WNT9B: variants seen among roughly 807,000 people sequenced by gnomAD.
WNT9B encodes the protein protein Wnt-9b.
WNT9B carries 12 observed loss-of-function variants against 30.2 expected under a neutral mutation model. That is an observed-to-expected ratio of 0.40 (90% CI 0.26 to 0.64). The LOEUF is 0.64. WNT9B is among the 30% of genes least tolerant of loss of function. The probability of loss-of-function intolerance (pLI) is 0.42; values close to 1 mark genes in which losing one functional copy is unlikely to be tolerated. For synonymous variants in WNT9B, 218 were observed against 216.9 expected (o/e 1.01, Z -0.05); for missense variants, 442 against 485.2 (o/e 0.91, Z 0.84).
At chr17:46,846,080 C>T (rs187521000) in intron 1 of WNT9B, among the ~76,000 whole-genome samples, 62 of 152,252 alleles carry the variant, frequency 4.1e-4, no homozygotes, top group East Asian at 7.7e-4. Flanking sequence ...TGTGAACCAC[C>T]GTGCCCGGCC....
chr17:46,884,423 G>A (rs369782068), downstream of WNT9B, among the ~76,000 whole-genome samples: 13 of 152,312 alleles, frequency 8.5e-5, no homozygotes, highest in East Asian at 2.5e-3. Flanking sequence ...GGGGCGTGAG[G>A]GGGCACACAG....
At chr17:46,869,487 A>C (rs1252220419) in intron 1 of WNT9B, among the ~76,000 whole-genome samples, 2 of 152,224 alleles carry the variant, frequency 1.3e-5, no homozygotes, top group African/African-American at 4.8e-5. Context: ...CACCCACTCC[A>C]TGCCAGAAGC....
At chr17:46,844,465 C>T (rs2084751176) in intron 1 of WNT9B, among the ~76,000 whole-genome samples, 1 of 152,148 alleles carries the variant, frequency 6.6e-6, no homozygotes, top group Admixed American at 6.6e-5. Flanking sequence ...CAACTGTCTA[C>T]CAGTCAGGAC....
At chr17:46,884,069 C>T (rs1344168569), downstream of WNT9B, among the ~76,000 whole-genome samples, 2 of 152,094 alleles carry the variant, frequency 1.3e-5, no homozygotes, top group Non-Finnish European at 2.9e-5. Flanking sequence ...GAGAACCTGA[C>T]CCAGCGTCCG....
At chr17:46,872,352 T>G (rs1025450392) in intron 1 of WNT9B, among the ~76,000 whole-genome samples, 165 bp from the exon 2 acceptor site, 7 of 152,232 alleles carry the variant, frequency 4.6e-5, no homozygotes, top group Non-Finnish European at 4.4e-5. Flanking sequence ...CTTTGTTACA[T>G]GAACCTTGGT....
intron 1 of WNT9B, 59 bp from the exon 2 acceptor site, chr17:46,872,458 A>G: frequency 7.0e-7 from 1 of 1,433,996 alleles, no homozygotes; most frequent in Non-Finnish European, 9.2e-7. Context: ...CCTTCCCTTC[A>G]TTTGCCCCTC....
chr17:46,856,073 T>C (rs1307151295), intron 1 of WNT9B, among the ~76,000 whole-genome samples: 1 of 152,218 alleles, frequency 6.6e-6, no homozygotes, highest in Non-Finnish European at 1.5e-5. Context: ...ATAATTAACT[T>C]TGGTGATGTT....
At chr17:46,846,711 G>C (rs2084779458), upstream of WNT9B, among the ~76,000 whole-genome samples, 2 of 152,324 alleles carry the variant, frequency 1.3e-5, no homozygotes, top group South Asian at 4.1e-4. Context: ...GAATGGCCTT[G>C]AATAGGCAAG....
intron 1 of WNT9B, among the ~76,000 whole-genome samples, chr17:46,853,463 A>G (rs1307808728): frequency 7.0e-6 from 1 of 142,250 alleles, no homozygotes; most frequent in African/African-American, 2.7e-5. Flanking sequence ...CCTCCATCTC[A>G]TGGGTTCAAG....
chr17:46,875,259 A>G lies in WNT9B; in HGVS notation c.493A>G (p.Asn165Asp). ...QAWQWGVCGD[N>D]LKYSTKFLSN... ...CTGGCAGTGGGGCGTGTGCGGTGACAACCTCAAGTACAGCACCAAGTTTCT... is the reference window on the plus strand; with the variant it reads ...CTGGCAGTGGGGCGTGTGCGGTGACGACCTCAAGTACAGCACCAAGTTTCT... The change falls in exon 3 of 4, where the codon AAC becomes GAC. Residue 165 changes from asparagine (N) to aspartate (D), a missense_variant. Asn to Asp is a conservative substitution (Grantham distance 23). Coordinates refer to ENST00000290015, the MANE Select transcript of WNT9B (RefSeq NM_003396.3). The G allele has an allele frequency of 6.2e-7, 1 of 1,614,156 alleles. No homozygotes were observed. The highest frequency in any genetic ancestry group is 8.5e-7 in the Non-Finnish European group (1 of 1,180,012).
chr17:46,874,901 C>G, intron 2 of WNT9B, 200 bp from the exon 3 acceptor site: 1 of 798,174 alleles, frequency 1.3e-6, no homozygotes, highest in Non-Finnish European at 2.1e-6. Context: ...TAAATGGCAA[C>G]TTGCAGTCAG....
intron 1 of WNT9B, among the ~76,000 whole-genome samples, chr17:46,867,796 G>A (rs2085164914): frequency 6.6e-6 from 1 of 152,102 alleles, no homozygotes; most frequent in Admixed American, 6.5e-5. Flanking sequence ...AAGCCCTGAG[G>A]GGCACCCTTG....
Position 46,833,244 on chromosome 17 carries a change from C to G in WNT9B, c.-102C>G, listed in dbSNP as rs2084578657. 10 of 435,132 alleles carry G rather than the reference C, an allele frequency of 2.3e-5. 1 individual carries two copies. Among genetic ancestry groups the G allele is most frequent in the South Asian group, 1.0e-4 (6 of 58,992 alleles). The allele number at this position is 435,132 out of a possible 1,614,324, so 27.0% of individuals were successfully genotyped here. A position where few individuals can be genotyped will look rare whatever the true frequency, so the allele number is the denominator to read the frequency against. ...ATGTGCGTGGAAGCTGGGCCTGAGC[C>G]CTGACGCTTCAGCTGAGCTCCCTGG... On this transcript the variant is annotated 5_prime_UTR_variant, in exon 1 of 3. Transcript: ENST00000575372.
downstream of WNT9B, among the ~76,000 whole-genome samples, chr17:46,884,434 G>T (rs1383732183): frequency 1.3e-5 from 2 of 152,186 alleles, no homozygotes; most frequent in Non-Finnish European, 2.9e-5. Context: ...GGGCACACAG[G>T]AGATCCTCAA....
rs1338466004 is a variant in WNT9B at position 46,872,763 on chromosome 17, G to C, written c.324G>C (p.Leu108=). Residue 108 remains leucine, a synonymous_variant, in exon 2 of 4, where the codon CTG becomes CTC. Coordinates refer to ENST00000290015, the MANE Select transcript of WNT9B (RefSeq NM_003396.3). ...WNCSLEGRMG[L]LKRGFKETAF... The stretch of plus-strand genomic sequence containing the variant: ...GTAGCCTGGAGGGCAGGATGGGCCT[G>C]CTCAAGAGAGGTGGGGAGGAGGGCT... 1.2e-6 allele frequency: 2 copies of C among 1,603,656 alleles called. No homozygotes were observed. Among genetic ancestry groups the C allele is most frequent in the South Asian group, 1.1e-5 (1 of 89,888 alleles).
chr17:46,876,977 G>A lies in WNT9B; in HGVS notation c.*259G>A, dbSNP rs560177145. On this transcript the variant is annotated 3_prime_UTR_variant, in exon 4 of 4. Coordinates refer to ENST00000290015, the MANE Select transcript of WNT9B (RefSeq NM_003396.3). ...TTGAGGACTTGGAGAGGAGGGCAGA[G>A]TGAGAAAGACATGGAGGGAAATAAG... The A allele has an allele frequency of 7.7e-7, 1 of 1,291,662 alleles. No individual in the cohort carries two copies. The highest frequency in any genetic ancestry group is 9.8e-7 in the Non-Finnish European group (1 of 1,023,044). 80.0% of individuals were successfully genotyped at this position (1,291,662 alleles called of 1,614,324 possible). A position where few individuals can be genotyped will look rare whatever the true frequency, so the allele number is the denominator to read the frequency against.
chr17:46,881,837 A>G (rs2085426667), downstream of WNT9B, among the ~76,000 whole-genome samples: 1 of 152,266 alleles, frequency 6.6e-6, no homozygotes, highest in Non-Finnish European at 1.5e-5. Flanking sequence ...GCAGACACCA[A>G]GACACTTACA....
At chr17:46,835,462 C>T (rs1211002612) in intron 1 of WNT9B, among the ~76,000 whole-genome samples, 4 of 152,180 alleles carry the variant, frequency 2.6e-5, no homozygotes, top group South Asian at 2.1e-4. Flanking sequence ...CCACCCACCT[C>T]GGCCTCTCAA....
chr17:46,851,592 C>T lies in WNT9B; in HGVS notation c.-47C>T, dbSNP rs1166745244. On this transcript the variant is annotated 5_prime_UTR_variant, in exon 1 of 4. Transcript: ENST00000290015. This position sits in a 1 kb window ranked among gnomAD's most constrained non-coding sequence, Gnocchi z 4.3. ...GGGCGGGTGGTGGCGGAGCTGCGAG[C>T]TTGAGCGGCGCGAGGAGATGCTAGA... 1 of 1,127,774 alleles carries T rather than the reference C, an allele frequency of 8.9e-7. No individual in the cohort carries two copies. The highest frequency in any genetic ancestry group is 1.1e-6 in the Non-Finnish European group (1 of 891,310). The allele number at this position is 1,127,774 out of a possible 1,614,324, so 69.9% of individuals were successfully genotyped here. A position where few individuals can be genotyped will look rare whatever the true frequency, so the allele number is the denominator to read the frequency against.
Sources: allele counts gnomAD v4.1 joint callset (sites outside exome capture counted in the v4.1 genomes callset), GRCh38; gene constraint gnomAD v4.1.1; non-coding constraint Gnocchi (gnomAD v3.1); transcripts MANE v1.5; gene names NCBI Gene and HGNC (gene_info 2026-07-23, HGNC 2026-07-21).